The following CTNND2 variants were observed in gnomAD, a reference collection of about 807,000 sequenced individuals.
The protein encoded by CTNND2 is catenin delta 2.
Under a neutral mutation model 144.4 loss-of-function variants are expected in CTNND2, and 22 were observed. The ratio of observed to expected loss-of-function variants is 0.15; its 90% CI spans 0.11 to 0.22. CTNND2 has a LOEUF of 0.22. CTNND2 is among the 10% of genes least tolerant of loss of function. CTNND2 has a pLI of 1.00. For missense variants in CTNND2, 1,353 were observed against 1,618.8 expected (o/e 0.84, Z 2.82); for synonymous variants, 751 against 695.6 (o/e 1.08, Z -1.25).
At chr5:11,551,505 T>G (rs1775765591) in intron 3 of CTNND2, among the ~76,000 whole-genome samples, 1 of 149,712 alleles carries the variant, frequency 6.7e-6, no homozygotes, top group African/African-American at 2.5e-5. Flanking sequence ...GGTGTAATTA[T>G]GGCTCACTGC....
intron 10 of CTNND2, among the ~76,000 whole-genome samples, chr5:11,204,283 G>T (rs879773266): frequency 6.6e-6 from 1 of 151,908 alleles, no homozygotes; most frequent in African/African-American, 2.4e-5. Context: ...TCTGGGGAAT[G>T]AACACTAGAA....
rs151257758 is a variant in CTNND2 at position 11,545,195 on chromosome 5, G to A, written c.287+19749C>T. On this transcript the variant is annotated intron_variant, in intron 3 of 21. Coordinates refer to ENST00000304623, the MANE Select transcript of CTNND2 (RefSeq NM_001332.4). ...AAATTAGCCAGGCATGGTGGCAGGC[G>A]CCTGTAATCCCAGCTACTAGGAGGG... Among the ~76,000 whole-genome samples the A allele has an allele frequency of 2.7e-3, 414 of 151,464 alleles. 1 individual carries two copies. The highest frequency in any genetic ancestry group is 9.0e-3 in the African/African-American group (372 of 41,330).
rs115169731 is a variant in CTNND2, at chr5:11,371,546, A to T, written c.1178-6656T>A. Among the ~76,000 whole-genome samples the T allele has an allele frequency of 8.2e-3, 1,246 of 152,296 alleles. 16 individuals are homozygous for T. The highest frequency in any genetic ancestry group is 0.027 in the African/African-American group (1,139 of 41,556). ...TTCCTTCTGAACTCTGTTTCCTGAG[A>T]TTGACTTGTTTTATTCTTGATTTTT... On this transcript the variant is annotated intron_variant, in intron 7 of 21. Transcript: ENST00000304623.
At chr5:11,179,756 T>C (rs776700877) in intron 11 of CTNND2, among the ~76,000 whole-genome samples, 3 of 152,210 alleles carry the variant, frequency 2.0e-5, no homozygotes, top group Admixed American at 6.5e-5. Flanking sequence ...GGATATTATA[T>C]AATATTTAAA....
intron 9 of CTNND2, among the ~76,000 whole-genome samples, chr5:11,320,703 T>G (rs1211143152): frequency 6.6e-6 from 1 of 152,120 alleles, no homozygotes; most frequent in Non-Finnish European, 1.5e-5. Flanking sequence ...TCCCATTCAC[T>G]ATCATGAGAA....
intron 1 of CTNND2, among the ~76,000 whole-genome samples, chr5:11,789,447 T>C (rs973981968): frequency 3.3e-5 from 5 of 152,196 alleles, no homozygotes; most frequent in Non-Finnish European, 7.3e-5. Flanking sequence ...AAGTTTTGCA[T>C]ATTTTTGTTA....
intron 1 of CTNND2, among the ~76,000 whole-genome samples, chr5:11,742,018 A>G (rs1362358699): frequency 6.6e-6 from 1 of 151,606 alleles, no homozygotes; most frequent in African/African-American, 2.4e-5. Context: ...CAAAGGCATA[A>G]TAATAATACA....
intron 12 of CTNND2, among the ~76,000 whole-genome samples, chr5:11,137,345 T>A (rs1480891446): frequency 6.6e-6 from 1 of 152,216 alleles, no homozygotes; most frequent in Admixed American, 6.5e-5. Context: ...ATTTTTTTCA[T>A]GCCAGTTTAG....
At chr5:11,180,978 G>C (rs1163158867) in intron 11 of CTNND2, among the ~76,000 whole-genome samples, 1 of 152,186 alleles carries the variant, frequency 6.6e-6, no homozygotes, top group Admixed American at 6.5e-5. Flanking sequence ...CGGAGGTTCT[G>C]GGGAAGAACC....
chr5:11,341,735 C>T (rs1332239053), intron 9 of CTNND2, among the ~76,000 whole-genome samples: 1 of 152,182 alleles, frequency 6.6e-6, no homozygotes, highest in African/African-American at 2.4e-5. Flanking sequence ...ATGCCAGGCA[C>T]TGTAGCTCAT....
intron 11 of CTNND2, among the ~76,000 whole-genome samples, chr5:11,191,670 G>C (rs192021680): frequency 6.6e-6 from 1 of 152,174 alleles, no homozygotes; most frequent in Non-Finnish European, 1.5e-5. Flanking sequence ...CGTACCCCCT[G>C]CTGCTGCTCC....
intron 9 of CTNND2, among the ~76,000 whole-genome samples, chr5:11,321,972 A>T (rs544858472): frequency 6.6e-6 from 1 of 152,220 alleles, no homozygotes; most frequent in South Asian, 2.1e-4. Flanking sequence ...CCCCCAGAAA[A>T]ATGGAAAGCC....
chr5:11,786,933 G>A (rs1190035357), intron 1 of CTNND2, among the ~76,000 whole-genome samples: 1 of 152,122 alleles, frequency 6.6e-6, no homozygotes, highest in Non-Finnish European at 1.5e-5. Context: ...TCAGAGGAAG[G>A]GACTCTGCCT....
chr5:11,712,798 TA>T (rs1472657485), intron 2 of CTNND2, among the ~76,000 whole-genome samples: 1 of 152,174 alleles, frequency 6.6e-6, no homozygotes, highest in Non-Finnish European at 1.5e-5. Flanking sequence ...CTTAATAGCT[TA>T]AAATGAGTTT....
At chr5:11,577,721 C>T (rs2150124967) in intron 2 of CTNND2, among the ~76,000 whole-genome samples, 1 of 152,276 alleles carries the variant, frequency 6.6e-6, no homozygotes, top group Non-Finnish European at 1.5e-5. Flanking sequence ...GGTTGATATT[C>T]AACAATGATC....
At chr5:11,736,061 T>G (rs1440665807) in intron 1 of CTNND2, among the ~76,000 whole-genome samples, 1 of 152,204 alleles carries the variant, frequency 6.6e-6, no homozygotes, top group African/African-American at 2.4e-5. Context: ...AGTTATTAAG[T>G]CACATAAGTG....
Position 11,124,179 on chromosome 5 carries a change from C to T in CTNND2, c.2160-6612G>A, listed in dbSNP as rs1280955033. ...TCTCCAGAACTCCCAGCCTCTCCTG[C>T]CTGCTCTCTCTTGCTTAGGCTAAGC... is the stretch of plus-strand genomic sequence containing the variant. On this transcript the variant is annotated intron_variant, in intron 12 of 21. Coordinates refer to ENST00000304623, the MANE Select transcript of CTNND2 (RefSeq NM_001332.4). Among the ~76,000 whole-genome samples, 8 of 152,306 alleles carry T rather than the reference C, an allele frequency of 5.3e-5. No homozygotes were observed. The East Asian group carries it at 1.4e-3, about 26-fold the overall frequency.
At chr5:11,017,026 C>T (rs1290818888) in intron 18 of CTNND2, among the ~76,000 whole-genome samples, 4 of 152,004 alleles carry the variant, frequency 2.6e-5, no homozygotes, top group African/African-American at 9.7e-5. Context: ...ATCTGCCTAC[C>T]TCAGCCTCCC....
intron 12 of CTNND2, among the ~76,000 whole-genome samples, chr5:11,153,629 T>C (rs1179600663): frequency 2.0e-5 from 3 of 152,126 alleles, no homozygotes; most frequent in Non-Finnish European, 4.4e-5. Flanking sequence ...AAATGACTAA[T>C]TGAGGGTCTG....
Sources: gnomAD v4.1 joint callset for allele counts (sites outside exome capture counted in the v4.1 genomes callset) on GRCh38, gnomAD v4.1.1 for gene constraint, MANE v1.5 for transcripts, NCBI Gene and HGNC (gene_info 2026-07-23, HGNC 2026-07-21) for gene names.